The following SHISA9 variants were observed in gnomAD, a reference collection of about 807,000 sequenced individuals.
SHISA9 encodes the protein shisa family member 9, also known as protein shisa-9.
SHISA9 carries 13 observed loss-of-function variants against 38.0 expected under a neutral mutation model. The ratio of observed to expected loss-of-function variants is 0.34; its 90% CI spans 0.22 to 0.54. SHISA9 has a LOEUF of 0.54. SHISA9 is among the 20% of genes least tolerant of loss of function. SHISA9 has a pLI of 0.91. For missense variants in SHISA9, 538 were observed against 575.8 expected (o/e 0.93, Z 0.67); for synonymous variants, 275 against 242.0 (o/e 1.14, Z -1.27).
chr16:13,132,487 G>T (rs1334942968), intron 2 of SHISA9, among the ~76,000 whole-genome samples: 1 of 152,050 alleles, frequency 6.6e-6, no homozygotes, highest in Non-Finnish European at 1.5e-5. Flanking sequence ...CTTTGCTGTG[G>T]GGAGTGTCTT....
chr16:13,490,178 T>A, the SHISA9 span, among the ~76,000 whole-genome samples: 1 of 152,116 alleles, frequency 6.6e-6, no homozygotes, highest in Non-Finnish European at 1.5e-5. Context: ...ACAGATGATG[T>A]TGGCAGAAGC....
intron 2 of SHISA9, among the ~76,000 whole-genome samples, chr16:13,193,566 G>A (rs1215822530): frequency 2.6e-5 from 4 of 152,080 alleles, no homozygotes; most frequent in Admixed American, 6.5e-5. Flanking sequence ...GGCTGGTCTC[G>A]AACTCCTGAC....
At chr16:13,315,512 G>A in the SHISA9 span, among the ~76,000 whole-genome samples, 1 of 152,102 alleles carries the variant, frequency 6.6e-6, no homozygotes, top group Admixed American at 6.5e-5. Context: ...TCTCAGGTTG[G>A]GGCTACAACA....
the SHISA9 span, among the ~76,000 whole-genome samples, chr16:13,464,312 A>C: frequency 1.3e-5 from 2 of 152,110 alleles, no homozygotes; most frequent in Admixed American, 1.3e-4. Flanking sequence ...TGAGAATCAC[A>C]CTTGGTCGAT....
At chr16:13,045,116 G>A (rs1278433512) in intron 2 of SHISA9, among the ~76,000 whole-genome samples, 4 of 152,142 alleles carry the variant, frequency 2.6e-5, no homozygotes, top group Non-Finnish European at 2.9e-5. Context: ...GATTCAACAT[G>A]CTTGTTATTA....
At chr16:13,329,327 C>A in the SHISA9 span, among the ~76,000 whole-genome samples, 2 of 152,168 alleles carry the variant, frequency 1.3e-5, no homozygotes, top group Non-Finnish European at 2.9e-5. Flanking sequence ...CCTAAATTCA[C>A]TCCTTGTCTC....
At chr16:12,954,732 A>G (rs556170210) in intron 2 of SHISA9, among the ~76,000 whole-genome samples, 2 of 152,326 alleles carry the variant, frequency 1.3e-5, no homozygotes, top group South Asian at 4.1e-4. Context: ...ACAGATTAGG[A>G]AACAGTTGTA....
At position 12,928,922 on chromosome 16, in the gene SHISA9, T is replaced by G. The variant is rs117636030; in HGVS notation, c.691+12107T>G. On this transcript the variant is annotated intron_variant, in intron 2 of 4. Transcript: ENST00000558583. ...CTGTTTCTTGTGAACATTTTGGTTC[T>G]GCTAATCAGCTTAGAAGTGGCTAAT... is the stretch of plus-strand genomic sequence containing the variant. Among the ~76,000 whole-genome samples, 763 of 152,374 alleles carry G rather than the reference T, an allele frequency of 5.0e-3. 4 individuals are homozygous for G. The highest frequency in any genetic ancestry group is 0.02 in the South Asian group (99 of 4,832).
At chr16:13,067,194 T>C (rs920965231) in intron 2 of SHISA9, among the ~76,000 whole-genome samples, 13 of 152,210 alleles carry the variant, frequency 8.5e-5, no homozygotes, top group African/African-American at 3.1e-4. Flanking sequence ...CTTTGCCCAG[T>C]ACTGGGTGTG....
At chr16:13,187,240 C>G (rs1428277721) in intron 2 of SHISA9, among the ~76,000 whole-genome samples, 1 of 151,846 alleles carries the variant, frequency 6.6e-6, no homozygotes, top group East Asian at 1.9e-4. Flanking sequence ...ATGACCCATT[C>G]TGTCTTCACA....
chr16:12,904,037 C>T (rs1372180880), intron 1 of SHISA9, among the ~76,000 whole-genome samples: 1 of 151,940 alleles, frequency 6.6e-6, no homozygotes, highest in Non-Finnish European at 1.5e-5. Context: ...ATGGTGGGGT[C>T]TTGCTGCACA....
At position 13,239,994 on chromosome 16, in the gene SHISA9, G is replaced by A. The variant is rs549247884; in HGVS notation, c.*4585G>A. 1 of 152,346 alleles carries A rather than the reference G, an allele frequency of 6.6e-6. No individual in the cohort carries two copies. The highest frequency in any genetic ancestry group is 6.5e-5 in the Admixed American group (1 of 15,294). The allele number at this position is 152,346 out of a possible 1,614,324, so 9.4% of individuals were successfully genotyped here. A position where few individuals can be genotyped will look rare whatever the true frequency, so the allele number is the denominator to read the frequency against. On this transcript the variant is annotated 3_prime_UTR_variant, in exon 5 of 5. Transcript: ENST00000558583. ...AGTGAGACCTAGAAGAGAGAAACCA[G>A]AACAAAGCAGACAGGCTGTCCTCTT...
At chr16:13,061,557 A>G (rs1345520961) in intron 2 of SHISA9, among the ~76,000 whole-genome samples, 1 of 152,160 alleles carries the variant, frequency 6.6e-6, no homozygotes, top group Non-Finnish European at 1.5e-5. Flanking sequence ...CTAGACTGGG[A>G]GTGCCCAATA....
chr16:13,425,946 C>G, the SHISA9 span, among the ~76,000 whole-genome samples: 1 of 152,258 alleles, frequency 6.6e-6, no homozygotes, highest in East Asian at 1.9e-4. Context: ...GGGGGCTGCC[C>G]AAGGTCAAGT....
At chr16:13,108,412 G>T (rs921659474) in intron 2 of SHISA9, among the ~76,000 whole-genome samples, 2 of 152,070 alleles carry the variant, frequency 1.3e-5, no homozygotes, top group Non-Finnish European at 2.9e-5. Context: ...CTGCAGGCAG[G>T]CACCATCATG....
At chr16:13,061,061 T>C (rs2073369825) in intron 2 of SHISA9, among the ~76,000 whole-genome samples, 1 of 152,154 alleles carries the variant, frequency 6.6e-6, no homozygotes, top group African/African-American at 2.4e-5. Context: ...CCACTGGGAC[T>C]GAAGGAACTG....
intron 2 of SHISA9, among the ~76,000 whole-genome samples, chr16:13,072,027 T>C (rs1321059218): frequency 1.3e-5 from 2 of 152,098 alleles, no homozygotes; most frequent in Non-Finnish European, 2.9e-5. Context: ...ATTGCAGGGA[T>C]GTGAATGAGA....
At chr16:13,161,968 CT>C (rs909910936) in intron 2 of SHISA9, among the ~76,000 whole-genome samples, 1 of 152,072 alleles carries the variant, frequency 6.6e-6, no homozygotes, top group Admixed American at 6.6e-5. Flanking sequence ...TATGGCTGTT[CT>C]TTTTTAGGCT....
At chr16:13,029,468 C>T (rs939666906) in intron 2 of SHISA9, among the ~76,000 whole-genome samples, 6 of 152,106 alleles carry the variant, frequency 3.9e-5, no homozygotes, top group Non-Finnish European at 8.8e-5. Flanking sequence ...ATTAACTGGA[C>T]GTGGTGGCAC....
Sources: allele counts gnomAD v4.1 joint callset (sites outside exome capture counted in the v4.1 genomes callset), GRCh38; gene constraint gnomAD v4.1.1; transcripts MANE v1.5; gene names NCBI Gene and HGNC (gene_info 2026-07-23, HGNC 2026-07-21).